ZNF436: variants seen among roughly 807,000 people sequenced by gnomAD.
ZNF436 encodes zinc finger protein 436.
Under a neutral mutation model 41.9 loss-of-function variants are expected in ZNF436, and 22 were observed. That is an observed-to-expected ratio of 0.53 (90% CI 0.38 to 0.75). The LOEUF (loss-of-function observed/expected upper bound fraction) is 0.75, where lower values mean the gene tolerates loss of function less well. Among genes scored for constraint, ZNF436 ranks in the 30% least tolerant of loss-of-function variants. The probability of loss-of-function intolerance (pLI) is 0.00; values close to 1 mark genes in which losing one functional copy is unlikely to be tolerated. For synonymous variants in ZNF436, 217 were observed against 197.8 expected (o/e 1.10, Z -0.82); for missense variants, 506 against 587.3 (o/e 0.86, Z 1.43).
At position 23,362,979 on chromosome 1, in the gene ZNF436, T is replaced by C. The variant is rs764294318; in HGVS notation, c.403A>G (p.Ile135Val). Residue 135 changes from isoleucine to valine, a missense_variant, in exon 4 of 4, where the codon ATC (isoleucine) becomes GTC (valine). By Grantham distance (29) the Ile-to-Val change is conservative. Transcript: ENST00000314011. ...LLVHKEVHTGIRYHICSHCGK... is the reference protein window; with the variant it reads ...LLVHKEVHTGVRYHICSHCGK... ...CAATGAGAACATATATGATAGCGGA[T>C]GCCTGTGTGGACTTCTTTGTGGACA... is the stretch of plus-strand genomic sequence containing the variant. 1.9e-6 allele frequency: 3 copies of C among 1,614,152 alleles called. No individual in the cohort carries two copies. The South Asian group carries it at 3.3e-5, about 18-fold the overall frequency.
At chr1:23,366,908 T>A in intron 3 of ZNF436, 134 bp downstream of exon 3, 1 of 995,476 alleles carries the variant, frequency 1.0e-6, no homozygotes, top group Non-Finnish European at 1.5e-6. Flanking sequence ...AAGATCTGCC[T>A]GAGGACTCAA....
At chr1:23,369,289 G>C (rs759170678) in intron 1 of ZNF436, 77 bp downstream of exon 1, 42 of 493,682 alleles carry the variant, frequency 8.5e-5, no homozygotes, top group South Asian at 6.2e-4. Flanking sequence ...ATCCGGGCGG[G>C]CCTTCAGGAT....
In ZNF436 at chr1:23,369,586, G is replaced by T. The variant is rs758867742; in HGVS notation, c.-281C>A. The T allele has an allele frequency of 3.0e-5, 16 of 532,252 alleles. No individual in the cohort carries two copies. The Admixed American group carries it at 3.1e-4, about 10-fold the overall frequency. The allele number at this position is 532,252 out of a possible 1,614,324, so 33.0% of individuals were successfully genotyped here. A position where few individuals can be genotyped will look rare whatever the true frequency, so the allele number is the denominator to read the frequency against. Reference sequence around the variant, plus strand: ...GCTGATCCTAAAGACTCAGATTCCCGAGGCCTCAGACTCGCAGGCAGCTCA... The same window carrying T: ...GCTGATCCTAAAGACTCAGATTCCCTAGGCCTCAGACTCGCAGGCAGCTCA... On this transcript the variant is annotated 5_prime_UTR_variant, in exon 1 of 4. Transcript: ENST00000314011.
chr1:23,368,657 G>A (rs191869055), intron 1 of ZNF436, among the ~76,000 whole-genome samples: 3 of 152,376 alleles, frequency 2.0e-5, no homozygotes, highest in East Asian at 1.9e-4. Context: ...GGAGACTGCA[G>A]CACGATTAAG....
In ZNF436 at chr1:23,369,832, G is replaced by A. The variant is rs1252078901; in HGVS notation, c.-527C>T. 2 of 309,024 alleles carry A rather than the reference G, an allele frequency of 6.5e-6. No homozygotes were observed. The highest frequency in any genetic ancestry group is 5.5e-5 in the South Asian group (2 of 36,186). The allele number at this position is 309,024 out of a possible 1,614,324, so 19.1% of individuals were successfully genotyped here. On this transcript the variant is annotated 5_prime_UTR_variant, in exon 1 of 4. Transcript: ENST00000314011. ...CCCAGCTCGCTGTAGCCTTGGAGAG[G>A]GAAGTGATGGAAAAAGAATATAGCA...
intron 3 of ZNF436, 89 bp from the exon 4 acceptor site, chr1:23,363,310 A>G: frequency 4.1e-6 from 4 of 984,724 alleles, no homozygotes; most frequent in Non-Finnish European, 5.9e-6. Flanking sequence ...TTTTTTTTAG[A>G]CAGAGTCTCA....
intron 2 of ZNF436, 135 bp from the exon 3 acceptor site, chr1:23,367,303 A>G: frequency 9.3e-7 from 1 of 1,070,180 alleles, no homozygotes; most frequent in Non-Finnish European, 1.3e-6. Flanking sequence ...AACAAGCAAA[A>G]AAGAGATGTG....
At position 23,367,129 on chromosome 1, in the gene ZNF436, G is replaced by T; in HGVS notation, c.73C>A (p.Arg25=). 2 of 1,613,528 alleles carry T rather than the reference G, an allele frequency of 1.2e-6. No individual in the cohort carries two copies. The highest frequency in any genetic ancestry group is 2.7e-5 in the African/African-American group (2 of 75,002). Residue 25 remains arginine (R), a synonymous_variant, in exon 3 of 4, where the codon CGG becomes AGG. Transcript: ENST00000314011. ...GCGTCCAGAGGTCTCCATTCTTCCC[G>T]GGTGAGATACATGGCCATATCTTCA... ...TFEDMAMYLT[R]EEWRPLDAAQ...
At chr1:23,365,153 G>A (rs1173588421) in intron 3 of ZNF436, among the ~76,000 whole-genome samples, 1 of 152,000 alleles carries the variant, frequency 6.6e-6, no homozygotes, top group African/African-American at 2.4e-5. Context: ...CAGCACTTTG[G>A]GAGGCCGAGG....
In ZNF436 at chr1:23,369,511, C is replaced by T. The variant is rs756208868; in HGVS notation, c.-206G>A. 5 of 531,842 alleles carry T rather than the reference C, an allele frequency of 9.4e-6. No individual in the cohort carries two copies. The highest frequency in any genetic ancestry group is 7.0e-5 in the South Asian group (5 of 71,536). 32.9% of individuals were successfully genotyped at this position (531,842 alleles called of 1,614,324 possible). On this transcript the variant is annotated 5_prime_UTR_variant, in exon 1 of 4. Transcript: ENST00000314011. ...GCAGGTCCCGGAGGTCTCAGACCCG[C>T]AGGTAGATCTCGAATTCGTAGACTT...
rs1638458277 is a variant in ZNF436, at chr1:23,369,640, G to T, written c.-335C>A. 1 of 504,382 alleles carries T rather than the reference G, an allele frequency of 2.0e-6. No individual in the cohort carries two copies. Among genetic ancestry groups the T allele is most frequent in the Non-Finnish European group, 4.2e-6 (1 of 239,598 alleles). The allele number at this position is 504,382 out of a possible 1,614,324, so 31.2% of individuals were successfully genotyped here. A position where few individuals can be genotyped will look rare whatever the true frequency, so the allele number is the denominator to read the frequency against. On this transcript the variant is annotated 5_prime_UTR_variant, in exon 1 of 4. Coordinates refer to ENST00000314011, the MANE Select transcript of ZNF436 (RefSeq NM_001077195.2). ...ACCACAGGCTCATAGGCAGATCCCT[G>T]AGACCACAGAGGCTGGCCGAGAAAC...
intron 1 of ZNF436, 51 bp downstream of exon 1, chr1:23,369,315 C>T (rs1361774475): frequency 1.9e-6 from 1 of 523,930 alleles, no homozygotes; most frequent in Admixed American, 2.0e-5. Flanking sequence ...CAGTCCCTGT[C>T]CGGTTGAAGG....
At chr1:23,369,264 G>A (rs777147923) in intron 1 of ZNF436, 102 bp downstream of exon 1, 3 of 458,422 alleles carry the variant, frequency 6.5e-6, no homozygotes, top group African/African-American at 6.0e-5. Context: ...GGGACCCTGG[G>A]CGTCTGAGGC....
Position 23,360,899 on chromosome 1 carries a change from G to A in ZNF436, c.*1070C>T, listed in dbSNP as rs756660745. 6.6e-6 allele frequency: 1 copy of A among 152,658 alleles called. No individual in the cohort carries two copies. Among genetic ancestry groups the A allele is most frequent in the Admixed American group, 6.5e-5 (1 of 15,278 alleles). 9.5% of individuals were successfully genotyped at this position (152,658 alleles called of 1,614,324 possible). A position where few individuals can be genotyped will look rare whatever the true frequency, so the allele number is the denominator to read the frequency against. On this transcript the variant is annotated 3_prime_UTR_variant, in exon 4 of 4. Coordinates refer to ENST00000314011, the MANE Select transcript of ZNF436 (RefSeq NM_001077195.2). ...CTCACATCACCCAAGAACATGCTAA[G>A]TCTCTGTAAATTCAGTTTCTATTAG... is the stretch of plus-strand genomic sequence containing the variant.
rs1241064350 is a variant in ZNF436 at position 23,362,110 on chromosome 1, C to T, written c.1272G>A (p.Gly424=). ...GGTTGGAGCTCTGGGTGAAACCTTT[C>T]CCACACTGCACACACTCGTAGGGCT... ...GEKPYECVQC[G]KGFTQSSNLI... The change falls in exon 4 of 4, where the codon GGG becomes GGA. Residue 424 remains glycine (G), a synonymous_variant. Coordinates refer to ENST00000314011, the MANE Select transcript of ZNF436 (RefSeq NM_001077195.2). The T allele has an allele frequency of 7.4e-6, 12 of 1,613,956 alleles. No homozygotes were observed. Among genetic ancestry groups the T allele is most frequent in the Non-Finnish European group, 1.0e-5 (12 of 1,180,014 alleles).
chr1:23,369,600 G>A lies in ZNF436; in HGVS notation c.-295C>T, dbSNP rs755815629. 2 of 530,574 alleles carry A rather than the reference G, an allele frequency of 3.8e-6. No homozygotes were observed. Among genetic ancestry groups the A allele is most frequent in the South Asian group, 1.4e-5 (1 of 71,502 alleles). The allele number at this position is 530,574 out of a possible 1,614,324, so 32.9% of individuals were successfully genotyped here. ...CTCAGATTCCCGAGGCCTCAGACTC[G>A]CAGGCAGCTCAGAAACCACAGGCTC... On this transcript the variant is annotated 5_prime_UTR_variant, in exon 1 of 4. The change creates a premature stop within an existing upstream ORF in the 5' untranslated region. Coordinates refer to ENST00000314011, the MANE Select transcript of ZNF436 (RefSeq NM_001077195.2).
chr1:23,367,870 A>G, intron 2 of ZNF436, 103 bp downstream of exon 2: 1 of 1,359,086 alleles, frequency 7.4e-7, no homozygotes, highest in East Asian at 2.3e-5. Context: ...AAGCCAGCGA[A>G]TTACTAATCC....
Position 23,369,020 on chromosome 1 carries a change from C to T in ZNF436, c.-61+346G>A, listed in dbSNP as rs1234054340. The T allele has an allele frequency of 1.8e-5, 3 of 170,914 alleles. No homozygotes were observed. The Admixed American group carries it at 1.8e-4, about 10-fold the overall frequency. 10.6% of individuals were successfully genotyped at this position (170,914 alleles called of 1,614,324 possible). On this transcript the variant is annotated intron_variant, in intron 1 of 3. Coordinates refer to ENST00000314011, the MANE Select transcript of ZNF436 (RefSeq NM_001077195.2). The stretch of plus-strand genomic sequence containing the variant: ...GCCTGGCGGTGTCTTGGCTTCGGCG[C>T]TTTAACCCTGTAGGGGCGTGCGACT...
chr1:23,369,185 G>GT (rs1638439763), intron 1 of ZNF436, 181 bp downstream of exon 1: 1 of 396,698 alleles, frequency 2.5e-6, no homozygotes, highest in Non-Finnish European at 5.2e-6. Context: ...CTGCGGGGGG[G>GT]GCGGGCCCTC....
Sources: allele counts gnomAD v4.1 joint callset (sites outside exome capture counted in the v4.1 genomes callset), GRCh38; gene constraint gnomAD v4.1.1; transcripts MANE v1.5; gene names NCBI Gene and HGNC (gene_info 2026-07-23, HGNC 2026-07-21).